CRB2: variants seen among roughly 807,000 people sequenced by gnomAD.
The protein encoded by CRB2 is crumbs cell polarity complex component 2, also known as protein crumbs homolog 2.
In CRB2, 85 loss-of-function variants were observed where a neutral mutation model predicts 110.9. The observed-to-expected ratio is 0.77, with a 90% CI of 0.64 to 0.92. The LOEUF is 0.92. Among genes scored for constraint, CRB2 ranks in the 40% least tolerant of loss-of-function variants. CRB2 has a pLI of 0.00. For synonymous variants in CRB2, 907 were observed against 831.0 expected, an observed-to-expected ratio of 1.09 and a Z score of -1.57; for missense variants, 1,843 against 1,851.3, an observed-to-expected ratio of 1.00 and a Z score of 0.08.
In CRB2 at chr9:123,366,239, C is replaced by G. The variant is rs960292633; in HGVS notation, c.627C>G (p.Asp209Glu). 6.8e-7 allele frequency: 1 copy of G among 1,471,376 alleles called. No homozygotes were observed. Among genetic ancestry groups the G allele is most frequent in the African/African-American group, 1.5e-5 (1 of 68,178 alleles). 91.1% of individuals were successfully genotyped at this position (1,471,376 alleles called of 1,614,324 possible). Reference protein sequence around the residue: ...CHDLVNGFRCDCAGTGYEGTH... With the variant: ...CHDLVNGFRCECAGTGYEGTH... ...GCGCCCTCCCCAGGTTCCGGTGCGA[C>G]TGCGCGGGCACCGGCTACGAGGGCA... The change falls in exon 4 of 13, where the codon GAC (aspartate) becomes GAG (glutamate). Residue 209 changes from aspartate to glutamate, a missense_variant. By Grantham distance (45) the Asp-to-Glu change is conservative. Transcript: ENST00000373631.
At chr9:123,366,394 C>CA (rs1554782675) in intron 4 of CRB2, 28 bp downstream of exon 4, 1 of 1,524,818 alleles carries the variant, frequency 6.6e-7, no homozygotes, top group East Asian at 2.6e-5. Context: ...CGCGGCCTGG[C>CA]GGGGGGAGGG....
intron 8 of CRB2, among the ~76,000 whole-genome samples, chr9:123,371,838 G>A (rs2042021644): frequency 6.6e-6 from 1 of 152,188 alleles, no homozygotes; most frequent in African/African-American, 2.4e-5. Flanking sequence ...CCCTGACCGA[G>A]ATAGAGAGCT....
At chr9:123,379,100 C>T (rs1035233948), downstream of CRB2, among the ~76,000 whole-genome samples, 16 of 126,826 alleles carry the variant, frequency 1.3e-4, no homozygotes, top group African/African-American at 2.3e-4. Context: ...CCACCGCGCC[C>T]GGCCCGCGTG....
At position 123,359,430 on chromosome 9, in the gene CRB2, GTTTTTGTTTTGTTTTTTTTT is replaced by G. The variant is rs1365523288; in HGVS notation, c.94+3082_94+3101del. 2.9e-4 allele frequency among the ~76,000 whole-genome samples: 28 copies of G among 98,024 alleles called. 1 individual carries two copies. Among genetic ancestry groups the G allele is most frequent in the Non-Finnish European group, 4.3e-4 (21 of 49,252 alleles). The allele number at this position is 98,024 out of a possible 152,430, so 64.3% of individuals were successfully genotyped here. A position where few individuals can be genotyped will look rare whatever the true frequency, so the allele number is the denominator to read the frequency against. On this transcript the variant is annotated intron_variant, in intron 1 of 12. Coordinates refer to ENST00000373631, the MANE Select transcript of CRB2 (RefSeq NM_173689.7). ...CTTCTTTTTTTGTTTGTGGTTTTTC[GTTTTTGTTTTGTTTTTTTTT>G]TTTTTTTTTTTTTTTTAAGAAAGGG... is the stretch of plus-strand genomic sequence containing the variant.
At position 123,365,968 on chromosome 9, in the gene CRB2, A is replaced by C; in HGVS notation, c.470A>C (p.His157Pro). 2 of 1,597,720 alleles carry C rather than the reference A, an allele frequency of 1.3e-6. No individual in the cohort carries two copies. Among genetic ancestry groups the C allele is most frequent in the South Asian group, 2.2e-5 (2 of 90,896 alleles). ...GAGTGCGCCTCAGCGCCCTGCCTGC[A>C]CGGGGGCTCGTGCCTGGACGGCGTG... ...VDECASAPCL[H>P]GGSCLDGVGS... The change falls in exon 3 of 13, where the codon CAC becomes CCC. Residue 157 changes from histidine (H) to proline (P), a missense_variant. Transcript: ENST00000373631.
intron 6 of CRB2, among the ~76,000 whole-genome samples, chr9:123,369,305 A>T (rs553982430): frequency 1.3e-5 from 2 of 152,338 alleles, no homozygotes; most frequent in South Asian, 4.1e-4. Context: ...CACTCTGTCC[A>T]TAAAAGCCAT....
Position 123,376,916 on chromosome 9 carries a change from C to T in CRB2, c.3712C>T (p.Leu1238Phe), listed in dbSNP as rs773319290. Residue 1238 changes from leucine to phenylalanine, a missense_variant, in exon 13 of 13, where the codon CTC becomes TTC. Leu to Phe is a conservative substitution (Grantham distance 22). Transcript: ENST00000373631. Reference protein sequence around the residue: ...PAACACLLLLLLGLLSGILAA... With the variant: ...PAACACLLLLFLGLLSGILAA... Reference sequence around the variant, plus strand: ...AGCCTGTGCCTGCCTCCTCCTCCTCCTCCTGGGCCTCCTTTCAGGGATCCT... The same window carrying T: ...AGCCTGTGCCTGCCTCCTCCTCCTCTTCCTGGGCCTCCTTTCAGGGATCCT... 6.2e-7 allele frequency: 1 copy of T among 1,608,670 alleles called. No homozygotes were observed. The highest frequency in any genetic ancestry group is 1.1e-5 in the South Asian group (1 of 89,868).
intron 1 of CRB2, among the ~76,000 whole-genome samples, chr9:123,358,714 C>T (rs1488503589): frequency 1.3e-5 from 2 of 152,236 alleles, no homozygotes; most frequent in African/African-American, 2.4e-5. Context: ...CAGGAAGCCC[C>T]AGAGCCAGTG....
In CRB2 at chr9:123,370,963, G is replaced by A; in HGVS notation, c.1910G>A (p.Gly637Asp). The change falls in exon 7 of 13, where the codon GGT (glycine) becomes GAT (aspartate). Residue 637 changes from glycine to aspartate, a missense_variant. Gly to Asp is a moderately conservative substitution (Grantham distance 94, BLOSUM62 -1). Coordinates refer to ENST00000373631, the MANE Select transcript of CRB2 (RefSeq NM_173689.7). ...FRCDCARPHR[G>D]PTCADEIPAA... is the part of the protein sequence containing the mutation. Reference sequence around the variant, plus strand: ...TGCGACTGTGCCCGGCCCCATAGAGGTCCCACGTGCGCTGATGGTGAGGAA... The same window carrying A: ...TGCGACTGTGCCCGGCCCCATAGAGATCCCACGTGCGCTGATGGTGAGGAA... 1 of 1,606,514 alleles carries A rather than the reference G, an allele frequency of 6.2e-7. No individual in the cohort carries two copies. The highest frequency in any genetic ancestry group is 1.1e-5 in the South Asian group (1 of 90,398).
upstream of CRB2, among the ~76,000 whole-genome samples, chr9:123,354,398 C>T (rs969303880): frequency 2.0e-5 from 3 of 152,244 alleles, no homozygotes; most frequent in Non-Finnish European, 4.4e-5. Context: ...TCCCCCCAGC[C>T]CCCCATTGGG....
intron 12 of CRB2, among the ~76,000 whole-genome samples, 184 bp from the exon 13 acceptor site, chr9:123,376,654 A>G (rs1449525033): frequency 1.3e-5 from 2 of 152,170 alleles, no homozygotes; most frequent in East Asian, 3.9e-4. Flanking sequence ...AGTGGCTGTG[A>G]CAGGTGGTTT....
In CRB2 at chr9:123,363,094, C is replaced by A; in HGVS notation, c.324C>A (p.Asp108Glu). 3 of 1,611,616 alleles carry A rather than the reference C, an allele frequency of 1.9e-6. No homozygotes were observed. The highest frequency in any genetic ancestry group is 2.5e-6 in the Non-Finnish European group (3 of 1,179,968). Residue 108 changes from aspartate to glutamate, a missense_variant, in exon 2 of 13, where the codon GAC (aspartate) becomes GAA (glutamate). Physicochemically the swap from Asp to Glu is conservative, Grantham distance 45. Transcript: ENST00000373631. ...TCCAGGGCCCACGCTGCGAGCTGGA[C>A]ATCGATGAGTGTGCATCCCGGCCGT... ...PGFQGPRCEL[D>E]IDECASRPCH...
At chr9:123,375,977 G>A (rs915729423) in intron 12 of CRB2, among the ~76,000 whole-genome samples, 3 of 152,140 alleles carry the variant, frequency 2.0e-5, no homozygotes, top group Non-Finnish European at 4.4e-5. Flanking sequence ...ATCTCTACAG[G>A]CTTCTGGCAG....
chr9:123,365,714 C>G (rs541342103), intron 2 of CRB2, among the ~76,000 whole-genome samples: 27 of 152,328 alleles, frequency 1.8e-4, no homozygotes, highest in Non-Finnish European at 2.2e-4. Flanking sequence ...CTGTGAGCCC[C>G]ATGAAGGCAG....
At chr9:123,359,535 A>G (rs1588202802) in intron 1 of CRB2, among the ~76,000 whole-genome samples, 1 of 145,496 alleles carries the variant, frequency 6.9e-6, no homozygotes, top group Non-Finnish European at 1.5e-5. Context: ...TGTAGCCTCG[A>G]CACCCTGGGC....
Position 123,366,298 on chromosome 9 carries a change from C to G in CRB2, c.686C>G (p.Ser229Trp). 2.0e-6 allele frequency: 3 copies of G among 1,523,220 alleles called. No homozygotes were observed. The highest frequency in any genetic ancestry group is 2.1e-5 in the Admixed American group (1 of 46,826). 94.4% of individuals were successfully genotyped at this position (1,523,220 alleles called of 1,614,324 possible). Residue 229 changes from serine to tryptophan, a missense_variant, in exon 4 of 13, where the codon TCG becomes TGG. Coordinates refer to ENST00000373631, the MANE Select transcript of CRB2 (RefSeq NM_173689.7). Reference protein sequence around the residue: ...HCEREVLECASAPCEHNASCL... With the variant: ...HCEREVLECAWAPCEHNASCL... ...GAGCGGGAGGTGCTGGAGTGCGCAT[C>G]GGCGCCCTGCGAGCACAACGCGTCC...
downstream of CRB2, chr9:123,379,846 C>T (rs550561376): frequency 3.3e-5 from 5 of 152,492 alleles, no homozygotes; most frequent in Non-Finnish European, 7.3e-5. Flanking sequence ...TGCCCTATCC[C>T]GGATGGGGCC....
intron 1 of CRB2, among the ~76,000 whole-genome samples, chr9:123,361,453 T>G (rs1688434598): frequency 2.6e-5 from 4 of 152,064 alleles, no homozygotes; most frequent in Admixed American, 2.6e-4. Context: ...CAGCCCTGCC[T>G]GGAATGCGGA....
chr9:123,363,204 G>T lies in CRB2; in HGVS notation c.418+16G>T. The stretch of plus-strand genomic sequence containing the variant: ...GGCTATGCAGGTAACAGCCTGGGCC[G>T]CCCTGGGAGGAGGTCTGTAATGCAG... On this transcript the variant is annotated intron_variant, in intron 2 of 12. Coordinates refer to ENST00000373631, the MANE Select transcript of CRB2 (RefSeq NM_173689.7). 1 of 1,582,830 alleles carries T rather than the reference G, an allele frequency of 6.3e-7. No individual in the cohort carries two copies.
Sources: allele counts gnomAD v4.1 joint callset (sites outside exome capture counted in the v4.1 genomes callset), GRCh38; gene constraint gnomAD v4.1.1; transcripts MANE v1.5; gene names NCBI Gene and HGNC (gene_info 2026-07-23, HGNC 2026-07-21).